MAST4: variants seen among roughly 807,000 people sequenced by gnomAD.
MAST4 encodes the protein microtubule associated serine/threonine kinase family member 4.
Under a neutral mutation model 162.7 loss-of-function variants are expected in MAST4, and 89 were observed. The ratio of observed to expected loss-of-function variants is 0.55; its 90% confidence interval spans 0.46 to 0.65. The LOEUF (loss-of-function observed/expected upper bound fraction) is 0.65, where lower values mean the gene tolerates loss of function less well. Among genes scored for constraint, MAST4 ranks in the 30% least tolerant of loss-of-function variants. MAST4 has a pLI of 0.00. For synonymous variants in MAST4, 1,479 were observed against 1,361.1 expected (o/e 1.09, Z -1.91); for missense variants, 3,153 against 3,374.0 (o/e 0.93, Z 1.62).
chr5:66,983,433 G>C (rs1369904907), intron 4 of MAST4, among the ~76,000 whole-genome samples: 1 of 152,196 alleles, frequency 6.6e-6, no homozygotes, highest in African/African-American at 2.4e-5. Flanking sequence ...TAATGGTGAA[G>C]AGAAGGTTAT....
intron 2 of MAST4, among the ~76,000 whole-genome samples, chr5:66,760,185 G>A (rs1372864838): frequency 6.6e-6 from 1 of 150,876 alleles, no homozygotes; most frequent in African/African-American, 2.4e-5. Context: ...GCATGATCTC[G>A]GCTCACTGCA....
rs1191314807 is a variant in MAST4 at position 67,032,574 on chromosome 5, G to T, written c.675-21830G>T. On this transcript the variant is annotated intron_variant, in intron 4 of 28. Coordinates refer to ENST00000403625, the MANE Select transcript of MAST4 (RefSeq NM_001164664.2). ...TTTAAACGCCATTTTTATTTTGGGG[G>T]AGGGCAGAATTATTTTACATCAAGA... 2.0e-5 allele frequency among the ~76,000 whole-genome samples: 3 copies of T among 152,042 alleles called. No individual in the cohort carries two copies. The East Asian group carries it at 5.8e-4, about 29-fold the overall frequency.
chr5:67,086,340 C>T (rs150958534), intron 5 of MAST4, among the ~76,000 whole-genome samples: 1 of 152,320 alleles, frequency 6.6e-6, no homozygotes, highest in East Asian at 1.9e-4. Context: ...GTGGCAAAGA[C>T]ACAGGACTTC....
chr5:67,102,672 CT>C, intron 9 of MAST4, 61 bp downstream of exon 9: 1 of 1,373,034 alleles, frequency 7.3e-7, no homozygotes, highest in African/African-American at 1.4e-5. Context: ...GGTTTAGAGT[CT>C]GTAAGGTTGT....
intron 3 of MAST4, among the ~76,000 whole-genome samples, chr5:66,862,646 C>T (rs1760203383): frequency 6.6e-6 from 1 of 152,130 alleles, no homozygotes; most frequent in South Asian, 2.1e-4. Context: ...CCATGATTTC[C>T]AAAACACACA....
At chr5:67,036,725 A>G (rs946317413) in intron 4 of MAST4, among the ~76,000 whole-genome samples, 1 of 152,212 alleles carries the variant, frequency 6.6e-6, no homozygotes, top group Admixed American at 6.5e-5. Context: ...TGTTCAGTAC[A>G]GATGCAATTT....
At chr5:67,073,372 C>T (rs1177229836) in intron 5 of MAST4, among the ~76,000 whole-genome samples, 1 of 151,528 alleles carries the variant, frequency 6.6e-6, no homozygotes, top group Non-Finnish European at 1.5e-5. Flanking sequence ...CTTAAAAACT[C>T]AAAAAAAACC....
intron 3 of MAST4, among the ~76,000 whole-genome samples, chr5:66,852,818 A>G (rs1239270357): frequency 6.6e-6 from 1 of 152,192 alleles, no homozygotes; most frequent in East Asian, 1.9e-4. Flanking sequence ...TGAAATGTAA[A>G]CTATCTTCCC....
At chr5:66,957,218 G>C (rs182118707) in intron 4 of MAST4, among the ~76,000 whole-genome samples, 5 of 152,230 alleles carry the variant, frequency 3.3e-5, no homozygotes, top group Admixed American at 2.0e-4. Flanking sequence ...TTTTGTTATA[G>C]GGTGGTAACT....
rs1774198571 is a variant in MAST4 at position 67,167,596 on chromosome 5, T to C, written c.*545T>C. On this transcript the variant is annotated 3_prime_UTR_variant, in exon 29 of 29. Transcript: ENST00000403625. ...TCCATTTTTATAAGCTAAAACATTC[T>C]AAGTTAAGATGGAAGAAAGCCCTAA... 1 of 152,236 alleles carries C rather than the reference T, an allele frequency of 6.6e-6. No individual in the cohort carries two copies. The highest frequency in any genetic ancestry group is 2.4e-5 in the African/African-American group (1 of 41,454). 9.4% of individuals were successfully genotyped at this position (152,236 alleles called of 1,614,324 possible).
chr5:66,973,115 G>C (rs932671265), intron 4 of MAST4, among the ~76,000 whole-genome samples: 9 of 151,960 alleles, frequency 5.9e-5, no homozygotes, highest in Admixed American at 1.3e-4. Context: ...TGGACCATTT[G>C]AGAGTAATTT....
intron 4 of MAST4, among the ~76,000 whole-genome samples, chr5:66,967,997 G>T (rs150918772): frequency 6.6e-6 from 1 of 152,070 alleles, no homozygotes; most frequent in South Asian, 2.1e-4. Flanking sequence ...GATGTGACTC[G>T]TGCCAGCTCC....
At chr5:66,625,689 G>C (rs916992587) in intron 1 of MAST4, among the ~76,000 whole-genome samples, 2 of 152,068 alleles carry the variant, frequency 1.3e-5, no homozygotes, top group Non-Finnish European at 1.5e-5. Context: ...GTACACAGCT[G>C]GGAATGTAAA....
chr5:66,793,098 C>G (rs73765338), intron 3 of MAST4, among the ~76,000 whole-genome samples: 2,277 of 152,234 alleles, frequency 0.015, 58 homozygotes, highest in African/African-American at 0.051. Context: ...ATTTAAATGC[C>G]ATAGGCAAGC....
intron 2 of MAST4, among the ~76,000 whole-genome samples, chr5:66,778,126 C>T (rs2149653060): frequency 6.6e-6 from 1 of 152,316 alleles, no homozygotes; most frequent in Middle Eastern, 3.4e-3. Context: ...CATTCATTCT[C>T]AGCAACACTG....
At chr5:66,650,454 A>G (rs1746143605) in intron 1 of MAST4, among the ~76,000 whole-genome samples, 1 of 152,210 alleles carries the variant, frequency 6.6e-6, no homozygotes, top group Non-Finnish European at 1.5e-5. Flanking sequence ...ACTGGAAAGA[A>G]CAGCACAGTA....
chr5:66,964,291 C>T (rs1259235760), intron 4 of MAST4, among the ~76,000 whole-genome samples: 1 of 152,142 alleles, frequency 6.6e-6, no homozygotes, highest in Non-Finnish European at 1.5e-5. Flanking sequence ...TCACTCTTCT[C>T]TGTTTGTTAG....
At chr5:66,933,242 T>C (rs1742359538) in intron 4 of MAST4, among the ~76,000 whole-genome samples, 1 of 152,202 alleles carries the variant, frequency 6.6e-6, no homozygotes, top group Non-Finnish European at 1.5e-5. Context: ...GAAACATCTC[T>C]AGTAAATATT....
At chr5:66,760,835 C>G (rs1753814930) in intron 2 of MAST4, among the ~76,000 whole-genome samples, 1 of 149,852 alleles carries the variant, frequency 6.7e-6, no homozygotes, top group Non-Finnish European at 1.5e-5. Context: ...TGAATGTTCC[C>G]AACACAAAGA....
Sources: allele counts gnomAD v4.1 joint callset (sites outside exome capture counted in the v4.1 genomes callset), GRCh38; gene constraint gnomAD v4.1.1; transcripts MANE v1.5; gene names NCBI Gene and HGNC (gene_info 2026-07-23, HGNC 2026-07-21).